Variants in CDK14 observed in about 807,000 individuals in gnomAD.
CDK14 encodes cyclin dependent kinase 14, also known as cyclin-dependent kinase 14.
In CDK14, 34 loss-of-function variants were observed where a neutral mutation model predicts 60.7. The observed-to-expected ratio is 0.56, with a 90% CI of 0.43 to 0.75. CDK14 has a LOEUF of 0.75. Among genes scored for constraint, CDK14 ranks in the 30% least tolerant of loss-of-function variants. CDK14 has a pLI of 0.00. For missense variants in CDK14, 482 were observed against 564.1 expected (o/e 0.85, Z 1.47); for synonymous variants, 197 against 203.7 (o/e 0.97, Z 0.28).
chr7:91,119,944 G>A (rs971279725), intron 14 of CDK14, among the ~76,000 whole-genome samples: 1 of 152,204 alleles, frequency 6.6e-6, no homozygotes, highest in African/African-American at 2.4e-5. Flanking sequence ...CAGACAAAGA[G>A]TGGGGCTAGG....
rs115946689 is a variant in CDK14, at chr7:90,900,021, C to G, written c.702+668C>G. ...GACTACATTTCATAATCCTGAGAAC[C>G]AATTGAGTATTACAGATGTATTTGA... On this transcript the variant is annotated intron_variant, in intron 7 of 14. Transcript: ENST00000380050. Among the ~76,000 whole-genome samples, 817 of 152,182 alleles carry G rather than the reference C, an allele frequency of 5.4e-3. 7 individuals are homozygous for G. The highest frequency in any genetic ancestry group is 0.019 in the African/African-American group (770 of 41,540).
At chr7:90,824,469 T>A (rs1789654019) in intron 5 of CDK14, 1 of 152,214 alleles carries the variant, frequency 6.6e-6, no homozygotes, top group South Asian at 2.1e-4. Flanking sequence ...CAGGAAGCTG[T>A]GAGTCAGTTG....
chr7:90,849,988 T>C (rs1188580626), intron 5 of CDK14, among the ~76,000 whole-genome samples: 2 of 152,076 alleles, frequency 1.3e-5, no homozygotes, highest in South Asian at 2.1e-4. Context: ...TTCCATAATC[T>C]GAAATGTGTG....
chr7:90,970,465 T>C (rs1028458800), intron 9 of CDK14, among the ~76,000 whole-genome samples: 11 of 152,236 alleles, frequency 7.2e-5, no homozygotes, highest in African/African-American at 2.7e-4. Flanking sequence ...CATCTCTATT[T>C]GCTCTTTTTT....
At chr7:90,699,809 G>T (rs1480278244) in intron 2 of CDK14, among the ~76,000 whole-genome samples, 1 of 152,186 alleles carries the variant, frequency 6.6e-6, no homozygotes, top group Non-Finnish European at 1.5e-5. Context: ...GGGTCAGGCA[G>T]AAGGTACCTC....
chr7:91,103,040 G>A (rs1368216003), intron 12 of CDK14, among the ~76,000 whole-genome samples: 2 of 152,100 alleles, frequency 1.3e-5, no homozygotes. Context: ...GATCAACTGA[G>A]TTCAGGGTTC....
intron 5 of CDK14, among the ~76,000 whole-genome samples, chr7:90,812,920 C>G (rs769121282): frequency 3.3e-5 from 5 of 152,138 alleles, no homozygotes; most frequent in Non-Finnish European, 7.4e-5. Flanking sequence ...TGGGTATTGT[C>G]TACCCAAGAG....
At chr7:91,073,345 C>T (rs1254024988) in intron 11 of CDK14, among the ~76,000 whole-genome samples, 2 of 152,082 alleles carry the variant, frequency 1.3e-5, no homozygotes, top group Non-Finnish European at 2.9e-5. Context: ...AGAGTGGGGG[C>T]CAATATTCAA....
At chr7:90,709,231 A>G (rs1215351145) in intron 2 of CDK14, 3 of 346,782 alleles carry the variant, frequency 8.7e-6, no homozygotes, top group Admixed American at 4.7e-5. Flanking sequence ...GCATATGACA[A>G]ATATATACAC....
chr7:90,643,586 A>G (rs1049596787), intron 2 of CDK14, among the ~76,000 whole-genome samples: 1 of 152,128 alleles, frequency 6.6e-6, no homozygotes, highest in Non-Finnish European at 1.5e-5. Context: ...AAGAGTTGTA[A>G]AATATATGTG....
At chr7:91,203,180 T>C (rs1802782841) in intron 14 of CDK14, among the ~76,000 whole-genome samples, 1 of 152,102 alleles carries the variant, frequency 6.6e-6, no homozygotes, top group Non-Finnish European at 1.5e-5. Flanking sequence ...CCAACCATCC[T>C]CAGGCTGGTG....
intron 5 of CDK14, among the ~76,000 whole-genome samples, chr7:90,850,318 C>A (rs763490359): frequency 6.6e-6 from 1 of 152,066 alleles, no homozygotes; most frequent in Non-Finnish European, 1.5e-5. Flanking sequence ...TTCATGCATG[C>A]GTTATTCAAT....
chr7:90,893,094 C>T (rs1292946813), intron 6 of CDK14, among the ~76,000 whole-genome samples: 1 of 152,080 alleles, frequency 6.6e-6, no homozygotes, highest in Admixed American at 6.6e-5. Flanking sequence ...GTCTTCAGAG[C>T]CTCTTTCTGC....
rs987069135 is a variant in CDK14 at position 91,208,076 on chromosome 7, A to G, written c.*940A>G. 23 of 152,628 alleles carry G rather than the reference A, an allele frequency of 1.5e-4. No individual in the cohort carries two copies. Among genetic ancestry groups the G allele is most frequent in the African/African-American group, 4.8e-4 (20 of 41,444 alleles). The allele number at this position is 152,628 out of a possible 1,614,324, so 9.5% of individuals were successfully genotyped here. A position where few individuals can be genotyped will look rare whatever the true frequency, so the allele number is the denominator to read the frequency against. ...GCCTTGAAAGCAGTCTTGGCCTGTT[A>G]GGGCTTACAAAGTAAATTACAAAGT... On this transcript the variant is annotated 3_prime_UTR_variant, in exon 15 of 15. Transcript: ENST00000380050.
intron 2 of CDK14, among the ~76,000 whole-genome samples, chr7:90,648,060 T>C (rs1800509413): frequency 6.6e-6 from 1 of 152,176 alleles, no homozygotes; most frequent in Admixed American, 6.5e-5. Context: ...CTTCATGCCT[T>C]AGTGCCTAAA....
chr7:90,981,803 G>GAAACGAAACAAAACAAAACAAAACA (rs1795233596), intron 9 of CDK14, among the ~76,000 whole-genome samples: 1 of 148,492 alleles, frequency 6.7e-6, no homozygotes, highest in African/African-American at 2.5e-5. Context: ...GAGAGTTCTA[G>GAAACGAAACAAAACAAAACAAAACA]AAACAAAACA....
intron 9 of CDK14, among the ~76,000 whole-genome samples, chr7:90,971,653 T>TAAAAAAAAAAAAAAA (rs35135401): frequency 1.7e-5 from 2 of 119,538 alleles, no homozygotes; most frequent in Non-Finnish European, 3.4e-5. Flanking sequence ...ATATACATAG[T>TAAAAAAAAAAAAAAA]AAAAAAAAAA....
At chr7:90,771,523 G>A (rs765573183) in intron 4 of CDK14, among the ~76,000 whole-genome samples, 4 of 152,222 alleles carry the variant, frequency 2.6e-5, no homozygotes, top group Admixed American at 6.5e-5. Context: ...TCTCAGCAGC[G>A]AGAGGGGACC....
chr7:91,092,823 T>C (rs1263067406), intron 12 of CDK14, among the ~76,000 whole-genome samples: 1 of 152,222 alleles, frequency 6.6e-6, no homozygotes. Context: ...AGATTTGTTG[T>C]TAAAAGTCAC....
Sources: gnomAD v4.1 joint callset for allele counts (sites outside exome capture counted in the v4.1 genomes callset) on GRCh38, gnomAD v4.1.1 for gene constraint, MANE v1.5 for transcripts, NCBI Gene and HGNC (gene_info 2026-07-23, HGNC 2026-07-21) for gene names.